PROCR: variants seen among roughly 807,000 people sequenced by gnomAD.
PROCR encodes endothelial protein C receptor.
PROCR carries 22 observed loss-of-function variants against 24.2 expected under a neutral mutation model. That is an observed-to-expected ratio of 0.91 (90% CI 0.65 to 1.30). The LOEUF (loss-of-function observed/expected upper bound fraction) is 1.30, where lower values mean the gene tolerates loss of function less well. Among genes scored for constraint, PROCR ranks in the 50% most tolerant of loss-of-function variants. PROCR has a pLI of 0.00. For missense variants in PROCR, 288 were observed against 307.7 expected, an observed-to-expected ratio of 0.94 and a Z score of 0.48; for synonymous variants, 137 against 139.2, an observed-to-expected ratio of 0.98 and a Z score of 0.11.
At chr20:35,211,678 C>A (rs1219159006) in intron 1 of PROCR, among the ~76,000 whole-genome samples, 1 of 152,152 alleles carries the variant, frequency 6.6e-6, no homozygotes, top group Non-Finnish European at 1.5e-5. Flanking sequence ...CCAAGTCCTG[C>A]AGAAACTCTA....
At chr20:35,195,297 A>T (rs1405761458) in intron 1 of PROCR, 1 of 152,182 alleles carries the variant, frequency 6.6e-6, no homozygotes, top group Non-Finnish European at 1.5e-5. Flanking sequence ...AATATTTTAA[A>T]AATGAACAGT....
chr20:35,213,805 G>T, intron 1 of PROCR, among the ~76,000 whole-genome samples: 1 of 152,168 alleles, frequency 6.6e-6, no homozygotes, highest in East Asian at 1.9e-4. Flanking sequence ...CAGGCATGGT[G>T]GCTCCCACCT....
At position 35,172,137 on chromosome 20, in the gene PROCR, C is replaced by G. The variant is rs781501898; in HGVS notation, c.-18C>G. ...CCGGCCCGAGCCAGGAACCCAGGTC[C>G]GGAGCCTCAACTTCAGGATGTTGAC... On this transcript the variant is annotated 5_prime_UTR_variant, in exon 1 of 4. Transcript: ENST00000216968. 1.1e-5 allele frequency: 18 copies of G among 1,613,948 alleles called. No homozygotes were observed. The highest frequency in any genetic ancestry group is 1.5e-5 in the Non-Finnish European group (18 of 1,179,970).
chr20:35,187,612 G>A (rs2086139124), intron 1 of PROCR, among the ~76,000 whole-genome samples: 3 of 152,344 alleles, frequency 2.0e-5, no homozygotes, highest in African/African-American at 4.8e-5. Context: ...AGTAATCAGG[G>A]AAACAGTGGG....
intron 1 of PROCR, among the ~76,000 whole-genome samples, chr20:35,207,388 T>TTG (rs141269356): frequency 0.35 from 49,961 of 140,826 alleles, 9,117 homozygotes; most frequent in East Asian, 0.61. Flanking sequence ...ATGTGTATGT[T>TTG]TGTGTATATA....
chr20:35,178,394 A>G (rs1217816019), downstream of PROCR, among the ~76,000 whole-genome samples: 1 of 38,346 alleles, frequency 2.6e-5, no homozygotes, highest in Non-Finnish European at 4.3e-5. Context: ...ACAGAGTGAG[A>G]TTCTTTTTTT....
chr20:35,185,030 CAA>C (rs55715132), intron 1 of PROCR, among the ~76,000 whole-genome samples: 36,934 of 103,874 alleles, frequency 0.36, 4,390 homozygotes, highest in African/African-American at 0.43. Flanking sequence ...ATCAGTAAGA[CAA>C]AAAAAAAAAA....
intron 1 of PROCR, among the ~76,000 whole-genome samples, chr20:35,203,626 GAAAAAAAAGA>G (rs2060327309): frequency 6.9e-6 from 1 of 144,148 alleles, no homozygotes; most frequent in African/African-American, 2.7e-5. Flanking sequence ...CAAAAAAAAA[GAAAAAAAAGA>G]AAAAAAAGAG....
chr20:35,172,382 G>A (rs965079274), intron 1 of PROCR, among the ~76,000 whole-genome samples, 158 bp downstream of exon 1: 9 of 152,096 alleles, frequency 5.9e-5, no homozygotes, highest in Non-Finnish European at 8.8e-5. Context: ...GGACTGGTTC[G>A]TGTCCCAAAG....
In PROCR at chr20:35,174,849, T is replaced by G; in HGVS notation, c.218T>G (p.Leu73Trp). 1 of 1,613,922 alleles carries G rather than the reference T, an allele frequency of 6.2e-7. No homozygotes were observed. Among genetic ancestry groups the G allele is most frequent in the Non-Finnish European group, 8.5e-7 (1 of 1,179,924 alleles). ...ACCACGATCATTCAGCTGCAGCCCT[T>G]GCAGGAGCCCGAGAGCTGGGCGCGC... ...TNTTIIQLQP[L>W]QEPESWARTQ... Residue 73 changes from leucine to tryptophan, a missense_variant, in exon 2 of 4, where the codon TTG becomes TGG. Transcript: ENST00000216968.
chr20:35,174,748 C>G lies in PROCR; in HGVS notation c.117C>G (p.Pro39=), dbSNP rs750786349. 3 of 1,614,150 alleles carry G rather than the reference C, an allele frequency of 1.9e-6. No individual in the cohort carries two copies. The highest frequency in any genetic ancestry group is 1.7e-5 in the Admixed American group (1 of 60,022). ...TCCAGATCTCCTACTTCCGCGACCCCTATCACGTGTGGTACCAGGGCAACG... is the reference window on the plus strand; with the variant it reads ...TCCAGATCTCCTACTTCCGCGACCCGTATCACGTGTGGTACCAGGGCAACG... ...HMLQISYFRD[P]YHVWYQGNAS... is the part of the protein sequence containing the mutation. The change falls in exon 2 of 4, where the codon CCC becomes CCG. Residue 39 remains proline, a synonymous_variant. Coordinates refer to ENST00000216968, the MANE Select transcript of PROCR (RefSeq NM_006404.5).
At position 35,177,068 on chromosome 20, in the gene PROCR, C is replaced by T; in HGVS notation, c.*255C>T. ...ATTAGTCTGATAAGTGAATGTTTATCTATCTTTGTGGAAAACAGATAATGG... is the reference window on the plus strand; with the variant it reads ...ATTAGTCTGATAAGTGAATGTTTATTTATCTTTGTGGAAAACAGATAATGG... On this transcript the variant is annotated 3_prime_UTR_variant, in exon 4 of 4. Coordinates refer to ENST00000216968, the MANE Select transcript of PROCR (RefSeq NM_006404.5). 2 of 1,278,494 alleles carry T rather than the reference C, an allele frequency of 1.6e-6. No individual in the cohort carries two copies. Among genetic ancestry groups the T allele is most frequent in the Middle Eastern group, 3.2e-4 (1 of 3,110 alleles). 79.2% of individuals were successfully genotyped at this position (1,278,494 alleles called of 1,614,324 possible). A position where few individuals can be genotyped will look rare whatever the true frequency, so the allele number is the denominator to read the frequency against.
chr20:35,183,919 C>T (rs2086100265), intron 1 of PROCR, among the ~76,000 whole-genome samples: 1 of 152,146 alleles, frequency 6.6e-6, no homozygotes, highest in African/African-American at 2.4e-5. Context: ...CCACTTCATA[C>T]CATCAAGAAT....
Position 35,182,493 on chromosome 20 carries a change from G to A in PROCR, c.94+6047G>A, listed in dbSNP as rs115891551. ...TCTCACATCATTAATTTATTTACTC[G>A]TTTAATAAATGTTTGTCAGAAACTT... On this transcript the variant is annotated intron_variant, in intron 1 of 1. Coordinates refer to the PROCR transcript ENST00000634509. Among the ~76,000 whole-genome samples the A allele has an allele frequency of 4.4e-3, 663 of 152,176 alleles. 13 individuals are homozygous for A. The highest frequency in any genetic ancestry group is 0.014 in the African/African-American group (586 of 41,510).
chr20:35,174,383 G>A, intron 1 of PROCR: 2 of 426,298 alleles, frequency 4.7e-6, no homozygotes, highest in Non-Finnish European at 8.8e-6. Flanking sequence ...TTCAGGTCAG[G>A]ATTTGTTAAC....
chr20:35,179,272 T>A (rs1188549492), downstream of PROCR, among the ~76,000 whole-genome samples: 1 of 148,732 alleles, frequency 6.7e-6, no homozygotes, highest in African/African-American at 2.5e-5. Context: ...ACGCAATGAC[T>A]GGCTCACACC....
downstream of PROCR, among the ~76,000 whole-genome samples, chr20:35,180,541 G>C (rs1210989248): frequency 6.6e-6 from 1 of 152,198 alleles, no homozygotes; most frequent in African/African-American, 2.4e-5. Flanking sequence ...CTCCCTGCCA[G>C]GGAGGCTGGG....
chr20:35,179,653 T>C (rs527668199), downstream of PROCR, among the ~76,000 whole-genome samples: 33 of 152,300 alleles, frequency 2.2e-4, no homozygotes, highest in African/African-American at 7.5e-4. Flanking sequence ...TCTGTAGACA[T>C]TTCAAAATCA....
At chr20:35,197,112 C>T (rs2086222812) in intron 1 of PROCR, among the ~76,000 whole-genome samples, 3 of 152,170 alleles carry the variant, frequency 2.0e-5, no homozygotes, top group African/African-American at 4.8e-5. Flanking sequence ...GTAATTCTTG[C>T]AGTATTTCAA....
Sources: allele counts gnomAD v4.1 joint callset (sites outside exome capture counted in the v4.1 genomes callset), GRCh38; gene constraint gnomAD v4.1.1; transcripts MANE v1.5; gene names NCBI Gene and HGNC (gene_info 2026-07-23, HGNC 2026-07-21).